Variants in LEF1 observed in about 807,000 individuals in gnomAD.
LEF1 encodes lymphoid enhancer-binding factor 1.
In LEF1, 14 loss-of-function variants were observed where a neutral mutation model predicts 51.2. The observed-to-expected ratio is 0.27, with a 90% CI of 0.18 to 0.43. The LOEUF (loss-of-function observed/expected upper bound fraction) is 0.43. Among genes scored for constraint, LEF1 ranks in the 20% least tolerant of loss-of-function variants. The pLI is 1.00. For synonymous variants in LEF1, 185 were observed against 183.2 expected (o/e 1.01, Z -0.08); for missense variants, 386 against 512.0 (o/e 0.75, Z 2.37).
intron 3 of LEF1, among the ~76,000 whole-genome samples, chr4:108,159,583 T>C (rs948364320): frequency 1.3e-5 from 2 of 152,220 alleles, no homozygotes; most frequent in Non-Finnish European, 2.9e-5. Context: ...TCACGTACAG[T>C]GGTACATTCA....
At chr4:108,099,616 A>G (rs988936194) in intron 3 of LEF1, among the ~76,000 whole-genome samples, 1 of 123,212 alleles carries the variant, frequency 8.1e-6, no homozygotes, top group Non-Finnish European at 1.7e-5. Context: ...ATATATATAT[A>G]TAAATAATAC....
intron 3 of LEF1, among the ~76,000 whole-genome samples, chr4:108,092,939 A>AAAAAAAAAAAAAAAAAAAAAAAAAC (rs1553952202): frequency 4.3e-4 from 39 of 90,704 alleles, no homozygotes; most frequent in Non-Finnish European, 7.1e-4. Context: ...AAAAAAAAAA[A>AAAAAAAAAAAAAAAAAAAAAAAAAC]AAAAAAAAAA....
rs1736730422 is a variant in LEF1, at chr4:108,048,032, C to A, written c.*726G>T. The A allele has an allele frequency of 6.6e-6, 1 of 152,592 alleles. No homozygotes were observed. Among genetic ancestry groups the A allele is most frequent in the Non-Finnish European group, 1.5e-5 (1 of 68,038 alleles). 9.5% of individuals were successfully genotyped at this position (152,592 alleles called of 1,614,324 possible). ...GTGTTACAGGCAATTCACAGAGAAGCCACTTACCAGACAAGCTGTCTCAGA... is the reference window on the plus strand; with the variant it reads ...GTGTTACAGGCAATTCACAGAGAAGACACTTACCAGACAAGCTGTCTCAGA... On this transcript the variant is annotated 3_prime_UTR_variant, in exon 12 of 12. Coordinates refer to ENST00000265165, the MANE Select transcript of LEF1 (RefSeq NM_016269.5).
chr4:108,055,612 T>C (rs1471217875), intron 11 of LEF1, among the ~76,000 whole-genome samples: 1 of 152,244 alleles, frequency 6.6e-6, no homozygotes, highest in East Asian at 1.9e-4. Flanking sequence ...TTTTTTATTC[T>C]ATATTCTAGT....
intron 3 of LEF1, among the ~76,000 whole-genome samples, chr4:108,156,460 G>A (rs999712058): frequency 3.3e-5 from 5 of 152,130 alleles, no homozygotes; most frequent in South Asian, 2.1e-4. Context: ...TACTTTTCAC[G>A]TAGCATTTGG....
intron 3 of LEF1, among the ~76,000 whole-genome samples, chr4:108,132,615 A>G (rs1742964737): frequency 6.7e-6 from 1 of 149,314 alleles, no homozygotes; most frequent in Non-Finnish European, 1.5e-5. Context: ...ACAACCCTCA[A>G]CTACAGCATT....
chr4:108,084,208 G>A (rs1310512057), intron 4 of LEF1, among the ~76,000 whole-genome samples: 1 of 151,912 alleles, frequency 6.6e-6, no homozygotes, highest in Non-Finnish European at 1.5e-5. Context: ...CCTAGGTACA[G>A]AAGAAAAAAA....
intron 3 of LEF1, among the ~76,000 whole-genome samples, chr4:108,123,934 G>A (rs1273753258): frequency 1.3e-5 from 2 of 152,072 alleles, no homozygotes; most frequent in African/African-American, 4.8e-5. Context: ...CTGAGGCCAG[G>A]AGTTCAAGAC....
intron 3 of LEF1, among the ~76,000 whole-genome samples, chr4:108,114,932 G>C (rs941413391): frequency 1.3e-5 from 2 of 152,240 alleles, no homozygotes; most frequent in African/African-American, 4.8e-5. Flanking sequence ...GGGGCTCGAG[G>C]AGGGCAGGGA....
intron 3 of LEF1, among the ~76,000 whole-genome samples, chr4:108,152,856 G>A (rs1310931415): frequency 6.6e-6 from 1 of 152,168 alleles, no homozygotes; most frequent in East Asian, 1.9e-4. Flanking sequence ...AGGAGACCAA[G>A]GGTCAAAGAG....
chr4:108,126,860 T>C (rs1248693471), intron 3 of LEF1, among the ~76,000 whole-genome samples: 2 of 112,138 alleles, frequency 1.8e-5, no homozygotes, highest in Admixed American at 8.4e-5. Flanking sequence ...TACTCTATTA[T>C]TTACTGATAT....
intron 11 of LEF1, among the ~76,000 whole-genome samples, chr4:108,056,921 A>C (rs2126258336): frequency 6.6e-6 from 1 of 152,100 alleles, no homozygotes; most frequent in African/African-American, 2.4e-5. Flanking sequence ...AAAAAAAAAA[A>C]AAACCACTGC....
chr4:108,165,247 G>C (rs1425815694), intron 1 of LEF1, 84 bp from the exon 2 acceptor site: 12 of 1,288,696 alleles, frequency 9.3e-6, no homozygotes, highest in Non-Finnish European at 1.4e-5. Context: ...GTGTGCGCTG[G>C]TAATTCAAAG....
intron 2 of LEF1, among the ~76,000 whole-genome samples, chr4:108,164,842 C>T (rs922737197): frequency 1.3e-5 from 2 of 152,132 alleles, no homozygotes; most frequent in African/African-American, 4.8e-5. Context: ...TCATTGTAGA[C>T]ATTCCCTCTT....
chr4:108,100,068 T>C (rs1424549380), intron 3 of LEF1, among the ~76,000 whole-genome samples: 1 of 152,172 alleles, frequency 6.6e-6, no homozygotes, highest in Admixed American at 6.5e-5. Context: ...TGAAAAATGA[T>C]GCTGCAGACA....
Position 108,070,616 on chromosome 4 carries a change from G to A in LEF1, c.1116+47C>T, listed in dbSNP as rs780734173. ...ACATTTCCTTCTTGAACGCAAAAGA[G>A]CGAATGAGTGAGAGTGGAGAGCCAC... On this transcript the variant is annotated intron_variant, in intron 9 of 11. Transcript: ENST00000265165. The A allele has an allele frequency of 5.7e-5, 71 of 1,245,266 alleles. No homozygotes were observed. The South Asian group carries it at 7.9e-4, about 14-fold the overall frequency. 77.1% of individuals were successfully genotyped at this position (1,245,266 alleles called of 1,614,324 possible).
At chr4:108,072,819 T>C (rs1048822727) in intron 8 of LEF1, 2 of 152,206 alleles carry the variant, frequency 1.3e-5, no homozygotes, top group African/African-American at 2.4e-5. Context: ...GACAGCTTTT[T>C]AAACCTGGAA....
chr4:108,129,959 G>C (rs1441304135), intron 3 of LEF1, among the ~76,000 whole-genome samples: 1 of 152,148 alleles, frequency 6.6e-6, no homozygotes, highest in Non-Finnish European at 1.5e-5. Flanking sequence ...AAAGAAACAT[G>C]GTCCTCTTAA....
chr4:108,132,658 C>CTTTTTT (rs1560813326), intron 3 of LEF1, among the ~76,000 whole-genome samples: 3 of 35,718 alleles, frequency 8.4e-5, no homozygotes, highest in Non-Finnish European at 2.0e-4. Context: ...CGAAAATCTG[C>CTTTTTT]CTTTTTTTTT....
Sources: gnomAD v4.1 joint callset for allele counts (sites outside exome capture counted in the v4.1 genomes callset) on GRCh38, gnomAD v4.1.1 for gene constraint, MANE v1.5 for transcripts, NCBI Gene and HGNC (gene_info 2026-07-23, HGNC 2026-07-21) for gene names.